RALGPS1: variants seen among roughly 807,000 people sequenced by gnomAD.
RALGPS1 encodes the protein ras-specific guanine nucleotide-releasing factor RalGPS1.
In RALGPS1, 19 loss-of-function variants were observed where a neutral mutation model predicts 78.8. The ratio of observed to expected loss-of-function variants is 0.24; its 90% confidence interval spans 0.17 to 0.35. The LOEUF is 0.35. Among genes scored for constraint, RALGPS1 ranks in the 10% least tolerant of loss-of-function variants. The pLI is 1.00. For missense variants in RALGPS1, 454 were observed against 688.3 expected, an observed-to-expected ratio of 0.66 and a Z score of 3.81; for synonymous variants, 228 against 256.3, an observed-to-expected ratio of 0.89 and a Z score of 1.06.
intron 1 of RALGPS1, among the ~76,000 whole-genome samples, chr9:126,934,264 A>G (rs1438517782): frequency 6.6e-6 from 1 of 152,236 alleles, no homozygotes; most frequent in Non-Finnish European, 1.5e-5. Flanking sequence ...TCTTAACCAT[A>G]TGGAACATCA....
chr9:127,182,058 C>A (rs180719881), intron 11 of RALGPS1, among the ~76,000 whole-genome samples: 1 of 151,854 alleles, frequency 6.6e-6, no homozygotes, highest in East Asian at 1.9e-4. Flanking sequence ...GTTTAAGGGG[C>A]CAGGCGTGGT....
At chr9:126,949,161 C>T (rs1018901623) in intron 1 of RALGPS1, among the ~76,000 whole-genome samples, 1 of 152,174 alleles carries the variant, frequency 6.6e-6, no homozygotes, top group Non-Finnish European at 1.5e-5. Context: ...TTTATGACTG[C>T]ATAGTATTCC....
chr9:127,193,453 T>G (rs2061186759), intron 11 of RALGPS1, among the ~76,000 whole-genome samples: 1 of 150,856 alleles, frequency 6.6e-6, no homozygotes, highest in African/African-American at 2.4e-5. Flanking sequence ...AGAGTGGGGT[T>G]GGGAAGGAGG....
intron 10 of RALGPS1, among the ~76,000 whole-genome samples, chr9:127,173,312 G>A (rs971266557): frequency 2.0e-5 from 3 of 152,104 alleles, no homozygotes; most frequent in African/African-American, 7.2e-5. Flanking sequence ...TTAGCAGCTG[G>A]TGCCATTCAG....
chr9:127,020,752 G>A (rs958887063), intron 4 of RALGPS1, among the ~76,000 whole-genome samples: 1 of 152,198 alleles, frequency 6.6e-6, no homozygotes, highest in African/African-American at 2.4e-5. Context: ...ATAGCTACCG[G>A]CCATGGATGT....
rs1309005342 is a variant in RALGPS1, at chr9:127,068,366, G to C, written c.484-864G>C. Among the ~76,000 whole-genome samples the C allele has an allele frequency of 2.0e-5, 3 of 152,140 alleles. No individual in the cohort carries two copies. The South Asian group carries it at 6.2e-4, about 32-fold the overall frequency. On this transcript the variant is annotated intron_variant, in intron 7 of 18. Transcript: ENST00000259351. ...ATGGTGAGGAGAGCAAATAGCTGTG[G>C]ATGCAGGGAAAGAGACCTGGTGTAG...
rs1297939416 is a variant in RALGPS1 at position 127,205,565 on chromosome 9, T to C, written c.1247+6499T>C. ...GCTTCATGGGTAGCTGGGAAATCTC[T>C]GCCCACAGCTTCTCTGTCCAATATC... is the stretch of plus-strand genomic sequence containing the variant. On this transcript the variant is annotated intron_variant, in intron 14 of 18. Transcript: ENST00000259351. This position sits in a 1 kb window ranked among gnomAD's most constrained non-coding sequence, Gnocchi z 4.0. 5.9e-5 allele frequency among the ~76,000 whole-genome samples: 9 copies of C among 152,242 alleles called. No homozygotes were observed. The highest frequency in any genetic ancestry group is 1.7e-4 in the African/African-American group (7 of 41,466).
At chr9:127,130,922 A>G (rs775759263) in intron 8 of RALGPS1, among the ~76,000 whole-genome samples, 16 of 152,362 alleles carry the variant, frequency 1.1e-4, no homozygotes, top group Non-Finnish European at 1.6e-4. Context: ...ATTTTAGACA[A>G]TTGAATTGGC....
intron 1 of RALGPS1, among the ~76,000 whole-genome samples, chr9:126,928,187 T>C (rs1275397000): frequency 6.6e-6 from 1 of 152,182 alleles, no homozygotes; most frequent in Non-Finnish European, 1.5e-5. Flanking sequence ...GTGTGTGTTG[T>C]TAGTATTATC....
intron 8 of RALGPS1, among the ~76,000 whole-genome samples, chr9:127,135,617 C>G (rs2057337638): frequency 6.6e-6 from 1 of 152,218 alleles, no homozygotes; most frequent in Non-Finnish European, 1.5e-5. Context: ...GGGAACCAGA[C>G]TAGGGGCCCT....
intron 9 of RALGPS1, 89 bp from the exon 10 acceptor site, chr9:127,168,589 AG>A (rs2139689617): frequency 6.7e-6 from 6 of 895,464 alleles, no homozygotes; most frequent in Non-Finnish European, 1.1e-5. Flanking sequence ...GTATCCTGGG[AG>A]CATCTAAAAT....
intron 8 of RALGPS1, among the ~76,000 whole-genome samples, chr9:127,132,715 G>A (rs2057091815): frequency 2.0e-5 from 3 of 152,194 alleles, no homozygotes; most frequent in Admixed American, 2.0e-4. Flanking sequence ...AACTTAACAT[G>A]GGCCTCATTT....
intron 8 of RALGPS1, chr9:127,089,238 CTG>C: frequency 6.9e-6 from 9 of 1,306,252 alleles, no homozygotes; most frequent in Non-Finnish European, 7.6e-6. Context: ...TGGGAGGCAT[CTG>C]GAGCAAGAAC....
At chr9:126,986,451 G>A (rs2133044403) in intron 4 of RALGPS1, among the ~76,000 whole-genome samples, 1 of 152,256 alleles carries the variant, frequency 6.6e-6, no homozygotes, top group South Asian at 2.1e-4. Context: ...TGGGGCAAGG[G>A]CTGCATTGTA....
rs141689727 is a variant in RALGPS1, at chr9:126,941,298, TAAC to T, written c.-65-20924_-65-20922del. Among the ~76,000 whole-genome samples the T allele has an allele frequency of 5.1e-3, 782 of 152,196 alleles. 8 individuals are homozygous for T. The highest frequency in any genetic ancestry group is 0.018 in the African/African-American group (749 of 41,518). ...AATAATTTAATTGTACATTTAAAAA[TAAC>T]AAAAGGAGTATAACTGGATTGTTTG... On this transcript the variant is annotated intron_variant, in intron 1 of 18. Transcript: ENST00000259351.
chr9:126,927,705 C>G (rs993870320), intron 1 of RALGPS1, among the ~76,000 whole-genome samples: 9 of 152,152 alleles, frequency 5.9e-5, no homozygotes, highest in African/African-American at 1.9e-4. Context: ...TGCTGGTCCT[C>G]GGGACTAAAA....
chr9:126,972,076 C>T (rs1179896131), intron 3 of RALGPS1, among the ~76,000 whole-genome samples: 1 of 152,106 alleles, frequency 6.6e-6, no homozygotes, highest in Non-Finnish European at 1.5e-5. Context: ...GATTCCAAGC[C>T]TGGGAAAGGA....
Position 127,220,528 on chromosome 9 carries a change from G to C in RALGPS1, c.*1759G>C, listed in dbSNP as rs186996914. ...GAGAAACTCCCAGGTGATAAAAGTT[G>C]ATGCCATCAAACCTTGACACCGGGT... On this transcript the variant is annotated 3_prime_UTR_variant, in exon 19 of 19. Transcript: ENST00000259351. 2.0e-5 allele frequency: 3 copies of C among 152,282 alleles called. No homozygotes were observed. The highest frequency in any genetic ancestry group is 4.8e-5 in the African/African-American group (2 of 41,542). The allele number at this position is 152,282 out of a possible 1,614,324, so 9.4% of individuals were successfully genotyped here. A position where few individuals can be genotyped will look rare whatever the true frequency, so the allele number is the denominator to read the frequency against.
At chr9:127,188,386 C>G (rs1164243557) in intron 11 of RALGPS1, among the ~76,000 whole-genome samples, 2 of 152,178 alleles carry the variant, frequency 1.3e-5, no homozygotes, top group East Asian at 3.9e-4. Flanking sequence ...GCTGCACTTT[C>G]AGTCCTCTAT....
Sources: gnomAD v4.1 joint callset for allele counts (sites outside exome capture counted in the v4.1 genomes callset) on GRCh38, gnomAD v4.1.1 for gene constraint, Gnocchi (gnomAD v3.1) non-coding constraint, MANE v1.5 for transcripts, NCBI Gene and HGNC (gene_info 2026-07-23, HGNC 2026-07-21) for gene names.